The following COL15A1 variants were observed in gnomAD, a reference collection of about 807,000 sequenced individuals.
COL15A1 encodes collagen type XV alpha 1 chain.
A neutral mutation model predicts 165.9 loss-of-function variants in COL15A1; 111 were observed. That is an observed-to-expected ratio of 0.67 (90% CI 0.57 to 0.78). COL15A1 has a LOEUF of 0.78. COL15A1 is among the 30% of genes least tolerant of loss of function. The pLI is 0.00. For missense variants in COL15A1, 1,745 were observed against 1,789.7 expected, an observed-to-expected ratio of 0.98 and a Z score of 0.45; for synonymous variants, 659 against 674.8, an observed-to-expected ratio of 0.98 and a Z score of 0.36.
At chr9:99,055,550 G>A (rs1201424501) in intron 34 of COL15A1, among the ~76,000 whole-genome samples, 178 bp downstream of exon 34, 1 of 152,224 alleles carries the variant, frequency 6.6e-6, no homozygotes, top group Non-Finnish European at 1.5e-5. Context: ...TGAGGTCCCT[G>A]GAGAGAAGGT....
intron 16 of COL15A1, among the ~76,000 whole-genome samples, chr9:99,032,210 T>G (rs1056514589): frequency 1.3e-4 from 19 of 151,996 alleles, no homozygotes; most frequent in African/African-American, 3.4e-4. Flanking sequence ...TAATTTATTT[T>G]TATTTATTTA....
At chr9:99,034,930 G>A (rs1464123927) in intron 17 of COL15A1, 84 bp from the exon 18 acceptor site, 5 of 1,189,956 alleles carry the variant, frequency 4.2e-6, no homozygotes, top group Non-Finnish European at 6.3e-6. Flanking sequence ...ACTTCAAGGA[G>A]TGATTTTCTG....
chr9:99,029,359 T>C (rs978365360), intron 16 of COL15A1, among the ~76,000 whole-genome samples: 3 of 152,248 alleles, frequency 2.0e-5, no homozygotes, highest in East Asian at 3.8e-4. Flanking sequence ...TCAGCTTCTG[T>C]CTTTTCCGTT....
At chr9:98,981,804 T>A (rs1838239353) in intron 2 of COL15A1, among the ~76,000 whole-genome samples, 1 of 152,142 alleles carries the variant, frequency 6.6e-6, no homozygotes, top group Admixed American at 6.5e-5. Flanking sequence ...TTCCTCATAA[T>A]ATTATAATTA....
At chr9:99,015,909 T>A in intron 10 of COL15A1, 67 bp from the exon 11 acceptor site, 2 of 1,572,458 alleles carry the variant, frequency 1.3e-6, no homozygotes, top group Non-Finnish European at 1.7e-6. Context: ...CAGAAACGAC[T>A]GTTACAACTC....
rs57568579 is a variant in COL15A1 at position 99,060,256 on chromosome 9, ATTTT to A, written c.3402+310_3402+313del. On this transcript the variant is annotated intron_variant, in intron 36 of 41. Coordinates refer to ENST00000375001, the MANE Select transcript of COL15A1 (RefSeq NM_001855.5). ...TTTTTATATATATATATATATATAT[ATTTT>A]TTTTTTGCTGGATGAGGGGTGGACG... 2.2e-4 allele frequency among the ~76,000 whole-genome samples: 30 copies of A among 137,180 alleles called. 1 individual carries two copies. Among genetic ancestry groups the A allele is most frequent in the Admixed American group, 1.7e-3 (23 of 13,670 alleles). The allele number at this position is 137,180 out of a possible 152,430, so 90.0% of individuals were successfully genotyped here.
intron 32 of COL15A1, among the ~76,000 whole-genome samples, chr9:99,054,859 A>G (rs140421691): frequency 2.0e-5 from 3 of 152,304 alleles, no homozygotes; most frequent in African/African-American, 7.2e-5. Context: ...AAATCCAATC[A>G]TTCATCTTTT....
intron 7 of COL15A1, among the ~76,000 whole-genome samples, chr9:99,002,129 T>C (rs1200572236): frequency 1.6e-5 from 2 of 122,930 alleles, no homozygotes; most frequent in Non-Finnish European, 3.4e-5. Context: ...CTCTCTCCTT[T>C]TATTCCCTCC....
At chr9:98,971,130 C>T (rs995475077) in intron 2 of COL15A1, among the ~76,000 whole-genome samples, 6 of 152,136 alleles carry the variant, frequency 3.9e-5, no homozygotes, top group African/African-American at 1.2e-4. Flanking sequence ...CTGCTTGAAA[C>T]CCCCTGGTCT....
At chr9:99,032,170 GA>G (rs1325587491) in intron 16 of COL15A1, among the ~76,000 whole-genome samples, 1 of 151,154 alleles carries the variant, frequency 6.6e-6, no homozygotes, top group East Asian at 1.9e-4. Context: ...ACTAAATGTG[GA>G]TTATTGTTTC....
Position 99,033,885 on chromosome 9 carries a change from C to A in COL15A1, c.2044-664C>A, listed in dbSNP as rs533122058. Among the ~76,000 whole-genome samples, 3 of 152,262 alleles carry A rather than the reference C, an allele frequency of 2.0e-5. No individual in the cohort carries two copies. The East Asian group carries it at 5.8e-4, about 29-fold the overall frequency. Reference sequence around the variant, plus strand: ...CTGATGTAGGCCACTGTCCTCATTGCTGACCACTCCTGACCGCCCACCTGC... The same window carrying A: ...CTGATGTAGGCCACTGTCCTCATTGATGACCACTCCTGACCGCCCACCTGC... On this transcript the variant is annotated intron_variant, in intron 16 of 41. Coordinates refer to ENST00000375001, the MANE Select transcript of COL15A1 (RefSeq NM_001855.5).
At chr9:99,025,434 T>C (rs897486862) in intron 15 of COL15A1, among the ~76,000 whole-genome samples, 1 of 152,250 alleles carries the variant, frequency 6.6e-6, no homozygotes, top group Non-Finnish European at 1.5e-5. Flanking sequence ...GTTCTGAGTA[T>C]GTTTAAGTTA....
At chr9:98,962,154 T>C (rs1188495120) in intron 2 of COL15A1, among the ~76,000 whole-genome samples, 1 of 152,260 alleles carries the variant, frequency 6.6e-6, no homozygotes, top group African/African-American at 2.4e-5. Context: ...TATCTCTCTC[T>C]GGATCTCTGT....
At chr9:99,019,186 T>C (rs765607394) in intron 11 of COL15A1, among the ~76,000 whole-genome samples, 12 of 151,988 alleles carry the variant, frequency 7.9e-5, no homozygotes, top group Admixed American at 4.6e-4. Flanking sequence ...TAGGATCAGT[T>C]TTTTTGTTTC....
intron 9 of COL15A1, among the ~76,000 whole-genome samples, chr9:99,009,621 A>C (rs1838817512): frequency 6.6e-6 from 1 of 152,224 alleles, no homozygotes; most frequent in African/African-American, 2.4e-5. Flanking sequence ...TTGATATCAC[A>C]AAATAGGATC....
rs551852521 is a variant in COL15A1, at chr9:98,944,339, C to A, written c.100+89C>A. 2.4e-4 allele frequency: 306 copies of A among 1,280,866 alleles called. 6 individuals carry two copies. The South Asian group carries it at 3.3e-3, about 14-fold the overall frequency. The allele number at this position is 1,280,866 out of a possible 1,614,324, so 79.3% of individuals were successfully genotyped here. On this transcript the variant is annotated intron_variant, in intron 2 of 41. Coordinates refer to ENST00000375001, the MANE Select transcript of COL15A1 (RefSeq NM_001855.5). ...GCGGCGGACGCGGCTGCGATGCGTG[C>A]CTCATTCCTGGACATAAAAGGGAGT...
intron 23 of COL15A1, among the ~76,000 whole-genome samples, chr9:99,041,841 C>G (rs924745577): frequency 6.6e-6 from 1 of 152,222 alleles, no homozygotes; most frequent in African/African-American, 2.4e-5. Flanking sequence ...CTCAAGGCCT[C>G]TTAACACTCA....
At chr9:99,003,343 G>T in intron 7 of COL15A1, 110 bp from the exon 8 acceptor site, 2 of 806,358 alleles carry the variant, frequency 2.5e-6, no homozygotes, top group Non-Finnish European at 3.6e-6. Context: ...AGAGAAAGAA[G>T]CTACAGAAAT....
At chr9:99,044,454 G>A in intron 24 of COL15A1, 114 bp from the exon 25 acceptor site, 1 of 900,834 alleles carries the variant, frequency 1.1e-6, no homozygotes, top group South Asian at 1.4e-5. Flanking sequence ...AATCATGGCT[G>A]CAGGACTCAG....
Sources: allele counts gnomAD v4.1 joint callset (sites outside exome capture counted in the v4.1 genomes callset), GRCh38; gene constraint gnomAD v4.1.1; transcripts MANE v1.5; gene names NCBI Gene and HGNC (gene_info 2026-07-23, HGNC 2026-07-21).